The following CAST variants were observed in gnomAD, a reference collection of about 807,000 sequenced individuals.
CAST encodes calpastatin, also known as MIR583 host.
A neutral mutation model predicts 119.6 loss-of-function variants in CAST; 76 were observed. The ratio of observed to expected loss-of-function variants is 0.64; its 90% confidence interval spans 0.53 to 0.77. CAST has a LOEUF of 0.77. Among genes scored for constraint, CAST ranks in the 30% least tolerant of loss-of-function variants. The pLI is 0.00. For synonymous variants in CAST, 319 were observed against 331.6 expected, an observed-to-expected ratio of 0.96 and a Z score of 0.41; for missense variants, 953 against 946.5, an observed-to-expected ratio of 1.01 and a Z score of -0.09.
At chr5:96,347,239 C>T in the CAST span, among the ~76,000 whole-genome samples, 1 of 152,188 alleles carries the variant, frequency 6.6e-6, no homozygotes, top group African/African-American at 2.4e-5. Flanking sequence ...ACAGTGAATA[C>T]TCCCTAATGG....
chr5:96,515,877 C>T, the CAST span, among the ~76,000 whole-genome samples: 1 of 151,968 alleles, frequency 6.6e-6, no homozygotes, highest in Non-Finnish European at 1.5e-5. Context: ...CCAAAGTCCT[C>T]ATTCCTCCAA....
At chr5:96,280,782 G>C in the CAST span, among the ~76,000 whole-genome samples, 1 of 149,630 alleles carries the variant, frequency 6.7e-6, no homozygotes, top group East Asian at 1.9e-4. Flanking sequence ...TTTCTTAACT[G>C]TTGTCCTTTT....
the CAST span, among the ~76,000 whole-genome samples, chr5:96,377,431 T>TC: frequency 6.6e-6 from 1 of 152,144 alleles, no homozygotes; most frequent in Non-Finnish European, 1.5e-5. Flanking sequence ...TCATTTTTTT[T>TC]CTCTTTTATA....
the CAST span, among the ~76,000 whole-genome samples, chr5:95,963,725 C>CTTTTTTT: frequency 6.2e-5 from 8 of 129,974 alleles, no homozygotes; most frequent in East Asian, 2.2e-4. Context: ...TTCTCTCTCT[C>CTTTTTTT]TTTTTTTTTT....
At chr5:96,192,038 C>A in the CAST span, among the ~76,000 whole-genome samples, 1 of 152,136 alleles carries the variant, frequency 6.6e-6, no homozygotes, top group Non-Finnish European at 1.5e-5. Context: ...CATATTTGTG[C>A]TCCAAGTTGT....
At chr5:96,226,937 T>C in the CAST span, among the ~76,000 whole-genome samples, 1 of 152,232 alleles carries the variant, frequency 6.6e-6, no homozygotes, top group Admixed American at 6.5e-5. Flanking sequence ...TAACACACTA[T>C]TGGCTATGTA....
At chr5:96,733,549 CATTTT>C (rs1233690382) in intron 9 of CAST, among the ~76,000 whole-genome samples, 1 of 152,184 alleles carries the variant, frequency 6.6e-6, no homozygotes, top group Non-Finnish European at 1.5e-5. Flanking sequence ...TGCAGCAAGT[CATTTT>C]ACTTTACGTT....
the CAST span, among the ~76,000 whole-genome samples, chr5:96,168,981 C>T: frequency 2.0e-5 from 3 of 152,114 alleles, no homozygotes; most frequent in Non-Finnish European, 4.4e-5. Context: ...CACACGCAGA[C>T]ATGAGGGCTA....
chr5:96,708,931 A>G (rs1008258868), intron 3 of CAST, among the ~76,000 whole-genome samples: 4 of 152,218 alleles, frequency 2.6e-5, no homozygotes, highest in African/African-American at 9.6e-5. Flanking sequence ...TTAGGTTGGG[A>G]AAATGTGGCT....
At chr5:96,143,521 A>G in the CAST span, among the ~76,000 whole-genome samples, 1 of 152,248 alleles carries the variant, frequency 6.6e-6, no homozygotes, top group Non-Finnish European at 1.5e-5. Flanking sequence ...ATGTGGGCCG[A>G]TTCCTAAACT....
chr5:96,104,595 T>A, the CAST span, among the ~76,000 whole-genome samples: 1 of 152,048 alleles, frequency 6.6e-6, no homozygotes, highest in African/African-American at 2.4e-5. Flanking sequence ...TTGATCTATA[T>A]CTCTGTTTTG....
chr5:95,997,681 C>T, the CAST span, among the ~76,000 whole-genome samples: 1 of 152,150 alleles, frequency 6.6e-6, no homozygotes, highest in Non-Finnish European at 1.5e-5. Context: ...AGAGTTCTGT[C>T]ATGCAATGTC....
the CAST span, among the ~76,000 whole-genome samples, chr5:96,353,359 A>C: frequency 6.6e-6 from 1 of 152,216 alleles, no homozygotes; most frequent in East Asian, 1.9e-4. Context: ...GTGGCATCCA[A>C]ACTTATATGA....
the CAST span, among the ~76,000 whole-genome samples, chr5:96,191,366 A>AT: frequency 2.6e-4 from 40 of 152,356 alleles, no homozygotes; most frequent in Non-Finnish European, 4.9e-4. Flanking sequence ...CTTTACATAT[A>AT]TTAATTCATT....
At chr5:95,988,223 A>G in the CAST span, among the ~76,000 whole-genome samples, 4 of 152,212 alleles carry the variant, frequency 2.6e-5, no homozygotes, top group African/African-American at 9.7e-5. Context: ...CATGTAATCG[A>G]TTCTACAAAT....
chr5:96,110,692 GA>G, the CAST span, among the ~76,000 whole-genome samples: 1 of 152,180 alleles, frequency 6.6e-6, no homozygotes, highest in Admixed American at 6.5e-5. Context: ...ACAGAATGGG[GA>G]AAATGAGGCC....
the CAST span, among the ~76,000 whole-genome samples, chr5:96,405,318 C>T: frequency 1.3e-5 from 2 of 152,126 alleles, no homozygotes; most frequent in Non-Finnish European, 2.9e-5. Context: ...AACCTATAAG[C>T]CATTCCCCAG....
At chr5:96,016,127 C>T in the CAST span, among the ~76,000 whole-genome samples, 1 of 152,170 alleles carries the variant, frequency 6.6e-6, no homozygotes, top group Non-Finnish European at 1.5e-5. Flanking sequence ...GCTTCAGCTG[C>T]CTAGGAGATC....
chr5:96,324,697 A>T, the CAST span, among the ~76,000 whole-genome samples: 2 of 152,206 alleles, frequency 1.3e-5, no homozygotes, highest in South Asian at 2.1e-4. Context: ...TAAACATTTT[A>T]AAAAATGGTC....
Sources: allele counts gnomAD v4.1 joint callset (sites outside exome capture counted in the v4.1 genomes callset), GRCh38; gene constraint gnomAD v4.1.1; transcripts MANE v1.5; gene names NCBI Gene and HGNC (gene_info 2026-07-23, HGNC 2026-07-21).